The following SLC25A13 variants were observed in gnomAD, a reference collection of about 807,000 sequenced individuals.
SLC25A13 encodes solute carrier family 25 member 13, also known as electrogenic aspartate/glutamate antiporter SLC25A13, mitochondrial.
In SLC25A13, 70 loss-of-function variants were observed where a neutral mutation model predicts 85.5. The ratio of observed to expected loss-of-function variants is 0.82; its 90% CI spans 0.68 to 1.00. SLC25A13 has a LOEUF of 1.00. Among genes scored for constraint, SLC25A13 ranks in the 50% least tolerant of loss-of-function variants. The pLI is 0.00. For synonymous variants in SLC25A13, 259 were observed against 288.7 expected, an observed-to-expected ratio of 0.90 and a Z score of 1.04; for missense variants, 765 against 819.8, an observed-to-expected ratio of 0.93 and a Z score of 0.82.
chr7:96,281,492 A>C (rs970527889), intron 2 of SLC25A13, among the ~76,000 whole-genome samples: 3 of 152,180 alleles, frequency 2.0e-5, no homozygotes, highest in Non-Finnish European at 4.4e-5. Flanking sequence ...CTAGCGTATA[A>C]TTCCATTCAC....
At chr7:96,122,136 A>C in intron 15 of SLC25A13, 139 bp from the exon 16 acceptor site, 1 of 1,076,568 alleles carries the variant, frequency 9.3e-7, no homozygotes. Context: ...CCTCTATGGG[A>C]AATGCAACCA....
intron 1 of SLC25A13, among the ~76,000 whole-genome samples, chr7:96,298,149 C>T (rs1009352489): frequency 2.0e-5 from 3 of 152,198 alleles, no homozygotes; most frequent in Non-Finnish European, 4.4e-5. Flanking sequence ...ACCCATGTTG[C>T]TATCCACAGG....
intron 5 of SLC25A13, among the ~76,000 whole-genome samples, chr7:96,203,863 T>C (rs1041383934): frequency 1.3e-5 from 2 of 152,210 alleles, no homozygotes; most frequent in African/African-American, 4.8e-5. Flanking sequence ...GCTAGATGTT[T>C]AGCAATGCAT....
intron 1 of SLC25A13, among the ~76,000 whole-genome samples, chr7:96,307,613 T>C (rs1041488046): frequency 2.6e-5 from 4 of 151,628 alleles, no homozygotes; most frequent in African/African-American, 9.7e-5. Flanking sequence ...AAAGAGGGCA[T>C]GGCATAAATG....
intron 4 of SLC25A13, among the ~76,000 whole-genome samples, chr7:96,227,480 T>C (rs1796365381): frequency 6.6e-6 from 1 of 152,192 alleles, no homozygotes; most frequent in Non-Finnish European, 1.5e-5. Flanking sequence ...GGGCCAAGAA[T>C]AGCCGAGATA....
chr7:96,313,056 G>A (rs1266029620), intron 1 of SLC25A13, among the ~76,000 whole-genome samples: 1 of 152,234 alleles, frequency 6.6e-6, no homozygotes, highest in East Asian at 1.9e-4. Flanking sequence ...GATGGATTCA[G>A]TTATAAGAAC....
rs1314444801 is a variant in SLC25A13 at position 96,121,395 on chromosome 7, A to C, written c.1842-18T>G. On this transcript the variant is annotated intron_variant, in intron 17 of 17. Coordinates refer to ENST00000265631, the MANE Select transcript of SLC25A13 (RefSeq NM_014251.3). ...TGGGTTTTCTAAAAGAAGAGAAAAC[A>C]GAGTAAGAAGCTGTATTTTTTGTTT... 4.3e-6 allele frequency: 7 copies of C among 1,613,446 alleles called. No homozygotes were observed. The highest frequency in any genetic ancestry group is 5.9e-6 in the Non-Finnish European group (7 of 1,179,446).
chr7:96,219,676 G>C, intron 4 of SLC25A13: 1 of 534,524 alleles, frequency 1.9e-6, no homozygotes, highest in East Asian at 5.4e-5. Flanking sequence ...CAGTAGATTT[G>C]AGACAGAGCC....
At chr7:96,164,540 A>T (rs1461223725) in intron 13 of SLC25A13, among the ~76,000 whole-genome samples, 2 of 152,208 alleles carry the variant, frequency 1.3e-5, no homozygotes, top group African/African-American at 4.8e-5. Context: ...GAAAGCTGCA[A>T]CTCAGAGAAG....
chr7:96,221,548 T>C (rs1295709570), intron 4 of SLC25A13, among the ~76,000 whole-genome samples: 2 of 152,226 alleles, frequency 1.3e-5, no homozygotes, highest in Non-Finnish European at 2.9e-5. Context: ...AATATTTCAT[T>C]TTCGAAGTGT....
intron 1 of SLC25A13, chr7:96,307,006 G>A: frequency 4.9e-6 from 4 of 809,368 alleles, no homozygotes; most frequent in Non-Finnish European, 8.0e-6. Flanking sequence ...TGAGTCTGCG[G>A]TGGGTCCCTT....
chr7:96,131,772 C>T lies in SLC25A13; in HGVS notation c.1562G>A (p.Gly521Glu). 6.2e-7 allele frequency: 1 copy of T among 1,614,078 alleles called. No homozygotes were observed. The highest frequency in any genetic ancestry group is 1.1e-5 in the South Asian group (1 of 91,066). ...FANEDGQVSPGSLLLAGAIAG... is the reference protein window; with the variant it reads ...FANEDGQVSPESLLLAGAIAG... The stretch of plus-strand genomic sequence containing the variant: ...TATGGCACCAGCTAAGAGCAGGCTT[C>T]CTGGGCTAACCTGCCCATCTTCATT... The change falls in exon 15 of 18, where the codon GGA becomes GAA. Residue 521 changes from glycine (G) to glutamate (E), a missense_variant. Gly to Glu is a moderately conservative substitution (Grantham distance 98). Transcript: ENST00000265631.
intron 2 of SLC25A13, among the ~76,000 whole-genome samples, chr7:96,286,303 A>AC (rs1798884107): frequency 1.3e-5 from 2 of 150,664 alleles, no homozygotes; most frequent in Non-Finnish European, 3.0e-5. Context: ...AAAAAAAAAA[A>AC]ATCTGTCGTA....
intron 9 of SLC25A13, among the ~76,000 whole-genome samples, chr7:96,187,276 T>C (rs1269479995): frequency 2.0e-5 from 3 of 152,174 alleles, no homozygotes; most frequent in Admixed American, 6.5e-5. Context: ...ACAATGAAAA[T>C]AATCAGCAAC....
At chr7:96,267,525 A>G (rs1160556301) in intron 3 of SLC25A13, among the ~76,000 whole-genome samples, 1 of 152,198 alleles carries the variant, frequency 6.6e-6, no homozygotes, top group East Asian at 1.9e-4. Context: ...GAAAGGAATT[A>G]TCTGAGGCCG....
At chr7:96,203,594 G>C (rs1010313111) in intron 5 of SLC25A13, among the ~76,000 whole-genome samples, 1 of 152,154 alleles carries the variant, frequency 6.6e-6, no homozygotes, top group African/African-American at 2.4e-5. Context: ...TGCTATATGA[G>C]AGGTAGCTAA....
chr7:96,255,440 C>A (rs542608959), intron 3 of SLC25A13, among the ~76,000 whole-genome samples: 1 of 152,346 alleles, frequency 6.6e-6, no homozygotes, highest in East Asian at 1.9e-4. Flanking sequence ...AGTTCCAGCA[C>A]TTTGGGAGGC....
chr7:96,177,750 T>C (rs193194462), intron 11 of SLC25A13, among the ~76,000 whole-genome samples: 5 of 152,272 alleles, frequency 3.3e-5, no homozygotes, highest in African/African-American at 1.2e-4. Context: ...TCCTCCTTCA[T>C]GGAAACTGGA....
chr7:96,284,486 T>A (rs1048427892), intron 2 of SLC25A13, among the ~76,000 whole-genome samples: 1 of 152,234 alleles, frequency 6.6e-6, no homozygotes, highest in African/African-American at 2.4e-5. Context: ...TACTCTGTAA[T>A]ATGTCTTCTG....
Sources: allele counts gnomAD v4.1 joint callset (sites outside exome capture counted in the v4.1 genomes callset), GRCh38; gene constraint gnomAD v4.1.1; transcripts MANE v1.5; gene names NCBI Gene and HGNC (gene_info 2026-07-23, HGNC 2026-07-21).